The following CRISPLD1 variants were observed in gnomAD, a reference collection of about 807,000 sequenced individuals.
CRISPLD1 encodes cysteine rich secretory protein LCCL domain containing 1, also known as cysteine-rich secretory protein LCCL domain-containing 1.
CRISPLD1 carries 60 observed loss-of-function variants against 77.5 expected under a neutral mutation model. That is an observed-to-expected ratio of 0.77 (90% CI 0.63 to 0.96). CRISPLD1 has a LOEUF of 0.96. Among genes scored for constraint, CRISPLD1 ranks in the 40% least tolerant of loss-of-function variants. CRISPLD1 has a pLI of 0.00. For missense variants in CRISPLD1, 623 were observed against 615.8 expected, an observed-to-expected ratio of 1.01 and a Z score of -0.12; for synonymous variants, 195 against 200.1, an observed-to-expected ratio of 0.97 and a Z score of 0.22.
At chr8:75,002,691 G>C (rs963252776) in intron 2 of CRISPLD1, among the ~76,000 whole-genome samples, 1 of 151,868 alleles carries the variant, frequency 6.6e-6, no homozygotes, top group Non-Finnish European at 1.5e-5. Flanking sequence ...GGGGCAACAC[G>C]TTCTGAAATT....
intron 2 of CRISPLD1, among the ~76,000 whole-genome samples, chr8:74,992,218 G>C (rs1268025141): frequency 2.6e-5 from 4 of 152,162 alleles, no homozygotes; most frequent in Non-Finnish European, 5.9e-5. Context: ...TGGAAGGTAG[G>C]ATATCACCAA....
chr8:75,000,331 A>T, intron 2 of CRISPLD1: 1 of 985,436 alleles, frequency 1.0e-6, no homozygotes, highest in South Asian at 4.7e-5. Flanking sequence ...TCTTGAAGGA[A>T]GATGGAATAA....
In CRISPLD1 at chr8:75,020,013, C is replaced by T; in HGVS notation, c.1178C>T (p.Ala393Val). ...SFTVSKVTVQ[A>V]VTCETTVEQL... The stretch of plus-strand genomic sequence containing the variant: ...TTGTGTTTTAATTCTTCAGTTCAGG[C>T]TGTGACTTGTGAAACAACTGTGGAA... Residue 393 changes from alanine (A) to valine (V), a missense_variant, in exon 12 of 15, where the codon GCT becomes GTT. Ala to Val is a moderately conservative substitution (Grantham distance 64). Coordinates refer to ENST00000262207, the MANE Select transcript of CRISPLD1 (RefSeq NM_031461.6). 2.5e-6 allele frequency: 4 copies of T among 1,614,074 alleles called. No individual in the cohort carries two copies. Among genetic ancestry groups the T allele is most frequent in the Non-Finnish European group, 3.4e-6 (4 of 1,179,956 alleles).
At chr8:74,998,688 A>C (rs1246219607) in intron 2 of CRISPLD1, among the ~76,000 whole-genome samples, 3 of 138,350 alleles carry the variant, frequency 2.2e-5, no homozygotes, top group African/African-American at 8.9e-5. Context: ...TCCATCTCAA[A>C]AAAAAAAAAA....
Position 75,033,088 on chromosome 8 carries a change from A to T in CRISPLD1, c.*846A>T, listed in dbSNP as rs1452305532. The T allele has an allele frequency of 6.6e-6, 1 of 151,792 alleles. No homozygotes were observed. Among genetic ancestry groups the T allele is most frequent in the African/African-American group, 2.4e-5 (1 of 41,260 alleles). 9.4% of individuals were successfully genotyped at this position (151,792 alleles called of 1,614,324 possible). ...ATGTATTACATTACCATTGCCACTG[A>T]TTTTTTTTTAAATGGTAAATGACCT... On this transcript the variant is annotated 3_prime_UTR_variant, in exon 15 of 15. Coordinates refer to ENST00000262207, the MANE Select transcript of CRISPLD1 (RefSeq NM_031461.6).
chr8:75,029,633 A>T, intron 14 of CRISPLD1, 116 bp downstream of exon 14: 1 of 1,026,956 alleles, frequency 9.7e-7, no homozygotes, highest in Non-Finnish European at 1.4e-6. Flanking sequence ...TAAGTGGCAG[A>T]GCCAGTGTGT....
rs141508444 is a variant in CRISPLD1, at chr8:75,008,564, C to T, written c.259-3869C>T. ...ATTGAACTTGACCTAAACAGGTATG[C>T]TTTATTCGATTCTGTGAATAGATAA... On this transcript the variant is annotated intron_variant, in intron 2 of 14. Transcript: ENST00000262207. 4.5e-3 allele frequency among the ~76,000 whole-genome samples: 680 copies of T among 152,180 alleles called. 3 individuals carry two copies. The highest frequency in any genetic ancestry group is 0.015 in the African/African-American group (633 of 41,524).
In CRISPLD1 at chr8:75,019,881, C is replaced by G. The variant is rs769610273; in HGVS notation, c.1139C>G (p.Ser380Cys). The change falls in exon 11 of 15, where the codon TCT becomes TGT. Residue 380 changes from serine (S) to cysteine (C), a missense_variant. By Grantham distance (112) the Ser-to-Cys change is moderately radical (BLOSUM62 -1). Transcript: ENST00000262207. ...NGIQTIGKYQ[S>C]ANSFTVSKVT... Reference sequence around the variant, plus strand: ...ATTTTTACCTTCAGCAAATATCAGTCTGCTAATTCCTTCACAGTCTCTAAA... The same window carrying G: ...ATTTTTACCTTCAGCAAATATCAGTGTGCTAATTCCTTCACAGTCTCTAAA... The G allele has an allele frequency of 1.2e-6, 2 of 1,611,760 alleles. No homozygotes were observed. The highest frequency in any genetic ancestry group is 1.3e-5 in the African/African-American group (1 of 74,894).
intron 2 of CRISPLD1, among the ~76,000 whole-genome samples, chr8:74,990,971 C>A (rs1056894914): frequency 4.6e-5 from 7 of 151,878 alleles, no homozygotes; most frequent in African/African-American, 1.7e-4. Context: ...CCACAGATGC[C>A]CACCTAGCAG....
At chr8:74,996,323 A>C (rs574854993) in intron 2 of CRISPLD1, among the ~76,000 whole-genome samples, 3 of 152,284 alleles carry the variant, frequency 2.0e-5, no homozygotes, top group Admixed American at 2.0e-4. Context: ...TTATTGATAA[A>C]TTTATGTTTA....
chr8:75,029,465 G>A lies in CRISPLD1; in HGVS notation c.1399G>A (p.Asp467Asn). The A allele has an allele frequency of 6.2e-7, 1 of 1,613,780 alleles. No individual in the cohort carries two copies. Among genetic ancestry groups the A allele is most frequent in the South Asian group, 1.1e-5 (1 of 91,058 alleles). Residue 467 changes from aspartate to asparagine, a missense_variant, in exon 14 of 15, where the codon GAC (aspartate) becomes AAC (asparagine). By Grantham distance (23) the Asp-to-Asn change is conservative (BLOSUM62 1). Transcript: ENST00000262207. ...HGGYVDVMPV[D>N]KRKTYIASFQ... ...TGGTTATGTTGATGTAATGCCTGTG[G>A]ACAAAAGAAAGACCTACATTGCTTC...
chr8:75,005,852 A>G (rs908003895), intron 2 of CRISPLD1, among the ~76,000 whole-genome samples: 2 of 152,208 alleles, frequency 1.3e-5, no homozygotes, highest in African/African-American at 2.4e-5. Flanking sequence ...GACTTCCAGC[A>G]TAACTGCCTT....
At chr8:74,998,123 G>A (rs998541302) in intron 2 of CRISPLD1, among the ~76,000 whole-genome samples, 2 of 152,158 alleles carry the variant, frequency 1.3e-5, no homozygotes, top group Non-Finnish European at 2.9e-5. Context: ...AACAGGAAAA[G>A]CTGAGGTTGT....
At chr8:75,005,333 T>TA (rs1301983252) in intron 2 of CRISPLD1, among the ~76,000 whole-genome samples, 1 of 152,154 alleles carries the variant, frequency 6.6e-6, no homozygotes, top group Admixed American at 6.6e-5. Flanking sequence ...CGGAAAGACT[T>TA]ATTTCAGCTC....
chr8:75,023,401 C>CTGTTTGGGA (rs1813174303), intron 12 of CRISPLD1, among the ~76,000 whole-genome samples: 1 of 152,178 alleles, frequency 6.6e-6, no homozygotes, highest in Non-Finnish European at 1.5e-5. Context: ...CTTCTTCCTG[C>CTGTTTGGGA]AGAAACCCCA....
chr8:75,012,779 A>G, intron 3 of CRISPLD1, 111 bp from the exon 4 acceptor site: 5 of 1,238,260 alleles, frequency 4.0e-6, no homozygotes, highest in Non-Finnish European at 4.5e-6. Flanking sequence ...TAAGTTTAAT[A>G]GTTTACGCCA....
chr8:74,991,080 C>A lies in CRISPLD1; in HGVS notation c.258+4835C>A, dbSNP rs1812566418. Reference sequence around the variant, plus strand: ...CAATCTCAGCTCAGTGCAACCTCCACCTCCAAAGTTTAAGCGATTCTCCTG... The same window carrying A: ...CAATCTCAGCTCAGTGCAACCTCCAACTCCAAAGTTTAAGCGATTCTCCTG... On this transcript the variant is annotated intron_variant, in intron 2 of 14. Transcript: ENST00000262207. Among the ~76,000 whole-genome samples the A allele has an allele frequency of 2.0e-5, 3 of 151,978 alleles. No individual in the cohort carries two copies. The South Asian group carries it at 6.2e-4, about 32-fold the overall frequency.
chr8:75,011,599 A>G (rs1004082240), intron 2 of CRISPLD1, among the ~76,000 whole-genome samples: 4 of 152,224 alleles, frequency 2.6e-5, no homozygotes, highest in African/African-American at 7.2e-5. Flanking sequence ...TTGGAAAATT[A>G]TTTCAGTAAT....
intron 2 of CRISPLD1, among the ~76,000 whole-genome samples, chr8:75,011,118 G>A (rs77674216): frequency 3.4e-5 from 4 of 118,644 alleles, no homozygotes; most frequent in African/African-American, 1.6e-4. Flanking sequence ...CTTTTTTTTT[G>A]TATCTTTATT....
Sources: gnomAD v4.1 joint callset for allele counts (sites outside exome capture counted in the v4.1 genomes callset) on GRCh38, gnomAD v4.1.1 for gene constraint, MANE v1.5 for transcripts, NCBI Gene and HGNC (gene_info 2026-07-23, HGNC 2026-07-21) for gene names.